NCKAP5: variants seen among roughly 807,000 people sequenced by gnomAD.
NCKAP5 encodes nck-associated protein 5.
A neutral mutation model predicts 167.0 loss-of-function variants in NCKAP5; 92 were observed. The observed-to-expected ratio is 0.55, with a 90% CI of 0.47 to 0.66. The LOEUF (loss-of-function observed/expected upper bound fraction) is 0.66. Among genes scored for constraint, NCKAP5 ranks in the 30% least tolerant of loss-of-function variants. The pLI is 0.00. For synonymous variants in NCKAP5, 891 were observed against 877.4 expected (o/e 1.02, Z -0.27); for missense variants, 2,378 against 2,315.0 (o/e 1.03, Z -0.56).
chr2:132,785,758 G>A, intron 13 of NCKAP5, 40 bp from the exon 14 acceptor site: 2 of 1,410,498 alleles, frequency 1.4e-6, no homozygotes, highest in Non-Finnish European at 1.9e-6. Flanking sequence ...ATTGAACCAT[G>A]TAGATCACAA....
intron 19 of NCKAP5, among the ~76,000 whole-genome samples, chr2:132,684,344 A>C (rs1392149724): frequency 2.0e-5 from 3 of 152,180 alleles, no homozygotes; most frequent in African/African-American, 7.2e-5. Flanking sequence ...GGTCCAGGGG[A>C]TGTTTGCTTT....
At chr2:133,118,298 C>A (rs903694189) in intron 6 of NCKAP5, 1 of 151,396 alleles carries the variant, frequency 6.6e-6, no homozygotes, top group African/African-American at 2.4e-5. Context: ...AATTATCATA[C>A]TTCAGGTTTA....
the NCKAP5 span, among the ~76,000 whole-genome samples, chr2:133,578,744 A>G: frequency 1.3e-5 from 2 of 152,194 alleles, no homozygotes; most frequent in African/African-American, 4.8e-5. Context: ...TTATTCAATC[A>G]ATACGCAGTC....
intron 9 of NCKAP5, among the ~76,000 whole-genome samples, chr2:132,873,744 GGATTA>G (rs2148786201): frequency 6.6e-6 from 1 of 152,090 alleles, no homozygotes; most frequent in South Asian, 2.1e-4. Context: ...ATTAATCTTT[GGATTA>G]TTACTTGGGT....
intron 5 of NCKAP5, among the ~76,000 whole-genome samples, chr2:133,151,577 G>A (rs1338143305): frequency 4.6e-5 from 7 of 152,142 alleles, no homozygotes. Flanking sequence ...GAGATACCAT[G>A]ACACACTATT....
At chr2:132,813,879 A>T (rs1686071404) in intron 11 of NCKAP5, among the ~76,000 whole-genome samples, 1 of 152,198 alleles carries the variant, frequency 6.6e-6, no homozygotes, top group Non-Finnish European at 1.5e-5. Flanking sequence ...GAGATTACAT[A>T]ACCACTGGGA....
At chr2:133,110,967 C>G (rs2081889314) in intron 6 of NCKAP5, among the ~76,000 whole-genome samples, 1 of 152,102 alleles carries the variant, frequency 6.6e-6, no homozygotes, top group South Asian at 2.1e-4. Flanking sequence ...TGCATGGCCA[C>G]AGAGAAATAG....
At chr2:132,919,663 C>A (rs559665207) in intron 8 of NCKAP5, among the ~76,000 whole-genome samples, 1 of 150,596 alleles carries the variant, frequency 6.6e-6, no homozygotes, top group South Asian at 2.1e-4. Flanking sequence ...ACAGAAGAGA[C>A]AAAGGGCAGA....
At chr2:133,278,467 A>G (rs2089817948) in intron 4 of NCKAP5, among the ~76,000 whole-genome samples, 1 of 152,032 alleles carries the variant, frequency 6.6e-6, no homozygotes, top group Non-Finnish European at 1.5e-5. Context: ...TCTGCCCACA[A>G]CCAGGAATGG....
intron 7 of NCKAP5, among the ~76,000 whole-genome samples, chr2:132,972,868 A>C (rs2076876047): frequency 6.6e-6 from 1 of 152,004 alleles, no homozygotes; most frequent in Admixed American, 6.5e-5. Flanking sequence ...TCTCCAAAAA[A>C]AAAAAAAAAG....
intron 4 of NCKAP5, among the ~76,000 whole-genome samples, chr2:133,262,613 G>A (rs536357441): frequency 6.6e-6 from 1 of 152,220 alleles, no homozygotes; most frequent in Non-Finnish European, 1.5e-5. Context: ...GAGGATGGAA[G>A]GGCGTAATAT....
At chr2:133,368,030 G>T (rs546027882) in intron 3 of NCKAP5, among the ~76,000 whole-genome samples, 58 of 152,220 alleles carry the variant, frequency 3.8e-4, no homozygotes, top group Non-Finnish European at 7.6e-4. Context: ...ATGCTCACTT[G>T]GGAAGGCAAA....
intron 5 of NCKAP5, among the ~76,000 whole-genome samples, chr2:133,167,008 G>C (rs2084028200): frequency 1.3e-5 from 2 of 152,076 alleles, no homozygotes; most frequent in African/African-American, 4.8e-5. Context: ...AAACATTTCA[G>C]CTCAAATGCT....
chr2:133,113,239 T>A (rs183141460), intron 6 of NCKAP5, among the ~76,000 whole-genome samples: 436 of 151,894 alleles, frequency 2.9e-3, no homozygotes, highest in African/African-American at 0.01. Context: ...TTCAAGCTGG[T>A]GTTAATTCTA....
rs113326670 is a variant in NCKAP5, at chr2:133,365,918, G to A, written c.70-62808C>T. Among the ~76,000 whole-genome samples, 671 of 152,330 alleles carry A rather than the reference G, an allele frequency of 4.4e-3. 7 individuals are homozygous for A. The highest frequency in any genetic ancestry group is 0.016 in the African/African-American group (646 of 41,560). On this transcript the variant is annotated intron_variant, in intron 3 of 19. Transcript: ENST00000409261. Reference sequence around the variant, plus strand: ...TAATTAAAGCAGCCATGGTGTACCTGCTGGCACTAAAATATCCCTGTAAGA... The same window carrying A: ...TAATTAAAGCAGCCATGGTGTACCTACTGGCACTAAAATATCCCTGTAAGA...
chr2:133,124,886 A>G (rs897134605), intron 6 of NCKAP5, among the ~76,000 whole-genome samples: 1 of 152,114 alleles, frequency 6.6e-6, no homozygotes, highest in African/African-American at 2.4e-5. Flanking sequence ...CGTCTACCAC[A>G]ATTACAAAAA....
chr2:133,606,645 C>A, the NCKAP5 span, among the ~76,000 whole-genome samples: 1 of 150,026 alleles, frequency 6.7e-6, no homozygotes, highest in Non-Finnish European at 1.5e-5. Flanking sequence ...AGGGCCTACA[C>A]CTCCAAAATT....
chr2:132,969,977 AAG>A (rs1249600410), intron 7 of NCKAP5, among the ~76,000 whole-genome samples: 2 of 152,316 alleles, frequency 1.3e-5, no homozygotes, highest in East Asian at 3.9e-4. Context: ...AACATTGAGA[AAG>A]AGAGAAAATG....
chr2:133,354,054 C>G (rs1043391705), intron 3 of NCKAP5, among the ~76,000 whole-genome samples: 2 of 152,196 alleles, frequency 1.3e-5, no homozygotes, highest in African/African-American at 4.8e-5. Context: ...TAACACACAG[C>G]TACTTGGGCT....
Sources: allele counts gnomAD v4.1 joint callset (sites outside exome capture counted in the v4.1 genomes callset), GRCh38; gene constraint gnomAD v4.1.1; transcripts MANE v1.5; gene names NCBI Gene and HGNC (gene_info 2026-07-23, HGNC 2026-07-21).